CEACAM4: variants seen among roughly 807,000 people sequenced by gnomAD.
CEACAM4 encodes CEA cell adhesion molecule 4.
A neutral mutation model predicts 28.7 loss-of-function variants in CEACAM4; 30 were observed. The observed-to-expected ratio is 1.05, with a 90% confidence interval of 0.78 to 1.42. The LOEUF is 1.42. CEACAM4 is among the 40% of genes most tolerant of loss of function. CEACAM4 has a pLI of 0.00. For missense variants in CEACAM4, 330 were observed against 308.2 expected, an observed-to-expected ratio of 1.07 and a Z score of -0.53; for synonymous variants, 143 against 126.5, an observed-to-expected ratio of 1.13 and a Z score of -0.87.
At position 41,620,573 on chromosome 19, in the gene CEACAM4, A is replaced by G. The variant is rs1555800859; in HGVS notation, c.595+2T>C. 6.2e-7 allele frequency: 1 copy of G among 1,612,190 alleles called. No individual in the cohort carries two copies. The highest frequency in any genetic ancestry group is 8.5e-7 in the Non-Finnish European group (1 of 1,178,846). On this transcript the variant is annotated splice_donor_variant, in intron 4 of 6. Coordinates refer to ENST00000221954, the MANE Select transcript of CEACAM4 (RefSeq NM_001817.4). LOFTEE classifies it high-confidence loss of function. ...CCACACCTGGGCTGAAGGGACACTCACCAGGGGTGGAGGCTGGGGGCGGCT... is the reference window on the plus strand; with the variant it reads ...CCACACCTGGGCTGAAGGGACACTCGCCAGGGGTGGAGGCTGGGGGCGGCT...
chr19:41,624,887 G>A (rs1555803172), intron 2 of CEACAM4, among the ~76,000 whole-genome samples: 2 of 152,164 alleles, frequency 1.3e-5, no homozygotes, highest in Non-Finnish European at 2.9e-5. Flanking sequence ...GCCTCCATGG[G>A]AGAGCACCCC....
downstream of CEACAM4, among the ~76,000 whole-genome samples, chr19:41,617,602 G>A (rs1485908915): frequency 6.6e-6 from 1 of 152,198 alleles, no homozygotes; most frequent in African/African-American, 2.4e-5. Flanking sequence ...TTCCTTTTAA[G>A]TGAGAGAGGG....
intron 2 of CEACAM4, among the ~76,000 whole-genome samples, chr19:41,622,415 C>A (rs1180470637): frequency 6.6e-6 from 1 of 152,122 alleles, no homozygotes; most frequent in African/African-American, 2.4e-5. Flanking sequence ...ATGATTGTCA[C>A]AGAGAGCGAG....
intron 2 of CEACAM4, 156 bp downstream of exon 2, chr19:41,625,445 A>G (rs1387364183): frequency 2.3e-6 from 2 of 863,274 alleles, no homozygotes; most frequent in Non-Finnish European, 3.7e-6. Flanking sequence ...GATCTGTTGA[A>G]GTTTACCTAC....
chr19:41,615,254 TC>T (rs1191709327), downstream of CEACAM4, among the ~76,000 whole-genome samples: 7 of 151,914 alleles, frequency 4.6e-5, no homozygotes, highest in Non-Finnish European at 8.8e-5. Context: ...TACCTGCTGT[TC>T]ATCAGAGCCT....
intron 2 of CEACAM4, among the ~76,000 whole-genome samples, chr19:41,624,083 T>A (rs1364212444): frequency 6.6e-6 from 1 of 152,068 alleles, no homozygotes; most frequent in South Asian, 2.1e-4. Flanking sequence ...CCTCCTAGGA[T>A]CTTGTATCCA....
At chr19:41,616,079 G>A (rs1428984443), downstream of CEACAM4, among the ~76,000 whole-genome samples, 2 of 152,098 alleles carry the variant, frequency 1.3e-5, no homozygotes. Flanking sequence ...TCCCAGGCTG[G>A]AGTGCAGTGG....
At position 41,625,846 on chromosome 19, in the gene CEACAM4, T is replaced by A; in HGVS notation, c.179A>T (p.Glu60Val). The A allele has an allele frequency of 1.2e-6, 2 of 1,613,984 alleles. No individual in the cohort carries two copies. Among genetic ancestry groups the A allele is most frequent in the South Asian group, 2.2e-5 (2 of 91,084 alleles). ...GTGCCAATAATAGGCTTGAATAGTT[T>A]CTGAAATATTGCAGGCCAGTAGAAG... Reference protein sequence around the residue: ...DVLLLACNISETIQAYYWHKG... With the variant: ...DVLLLACNISVTIQAYYWHKG... The change falls in exon 2 of 7, where the codon GAA (glutamate) becomes GTA (valine). Residue 60 changes from glutamate to valine, a missense_variant. Coordinates refer to ENST00000221954, the MANE Select transcript of CEACAM4 (RefSeq NM_001817.4).
chr19:41,620,537 C>T (rs1320988536), intron 4 of CEACAM4, 38 bp downstream of exon 4: 1 of 1,589,020 alleles, frequency 6.3e-7, no homozygotes, highest in Non-Finnish European at 8.6e-7. Context: ...GTAGGGCAGG[C>T]CTAGGGGCTC....
At chr19:41,626,547 T>C (rs946455311) in intron 1 of CEACAM4, among the ~76,000 whole-genome samples, 6 of 152,160 alleles carry the variant, frequency 3.9e-5, no homozygotes, top group African/African-American at 1.4e-4. Context: ...GTGTCTGAGG[T>C]TGTTGGCTAA....
chr19:41,622,528 C>A (rs544974551), intron 2 of CEACAM4, among the ~76,000 whole-genome samples: 1 of 152,276 alleles, frequency 6.6e-6, no homozygotes, highest in Admixed American at 6.5e-5. Context: ...CTACCTACAG[C>A]TCATCTCATC....
intron 2 of CEACAM4, among the ~76,000 whole-genome samples, chr19:41,624,249 T>C (rs1568657047): frequency 6.6e-6 from 1 of 151,970 alleles, no homozygotes; most frequent in African/African-American, 2.4e-5. Flanking sequence ...GATCATTCCT[T>C]CATTCATTCC....
Position 41,627,052 on chromosome 19 carries a change from G to A in CEACAM4, c.-89C>T. On this transcript the variant is annotated 5_prime_UTR_variant, in exon 1 of 7. Coordinates refer to ENST00000221954, the MANE Select transcript of CEACAM4 (RefSeq NM_001817.4). ...GCTGCTGTGACTGTCGGCTGTCGGG[G>A]CTGCTGACCTTCCTCCTTCTGTGCT... 8.7e-7 allele frequency: 1 copy of A among 1,154,772 alleles called. No homozygotes were observed. The highest frequency in any genetic ancestry group is 1.2e-6 in the Non-Finnish European group (1 of 818,180). The allele number at this position is 1,154,772 out of a possible 1,614,324, so 71.5% of individuals were successfully genotyped here.
Position 41,620,922 on chromosome 19 carries a change from G to A in CEACAM4, c.543-295C>T, listed in dbSNP as rs1264363311. 6.6e-5 allele frequency among the ~76,000 whole-genome samples: 10 copies of A among 151,930 alleles called. 1 individual carries two copies. The South Asian group carries it at 1.0e-3, about 16-fold the overall frequency. On this transcript the variant is annotated intron_variant, in intron 3 of 6. Transcript: ENST00000221954. ...TCAGGGAGGGAATCAGACCACCTGC[G>A]TTTGCCTGAGAGGAAGGGTCAAGGC...
chr19:41,626,470 C>T (rs1555804248), intron 1 of CEACAM4, among the ~76,000 whole-genome samples: 1 of 152,186 alleles, frequency 6.6e-6, no homozygotes, highest in African/African-American at 2.4e-5. Context: ...CTGGCACAGG[C>T]TGCAGACTCC....
At chr19:41,624,587 G>A (rs545540343) in intron 2 of CEACAM4, among the ~76,000 whole-genome samples, 6 of 152,254 alleles carry the variant, frequency 3.9e-5, no homozygotes, top group East Asian at 1.9e-4. Context: ...GAAAACATCC[G>A]AACCAGTGGC....
rs781811384 is a variant in CEACAM4 at position 41,619,690 on chromosome 19, T to C, written c.649A>G (p.Thr217Ala). 1 of 1,591,536 alleles carries C rather than the reference T, an allele frequency of 6.3e-7. No homozygotes were observed. Among genetic ancestry groups the C allele is most frequent in the Non-Finnish European group, 8.6e-7 (1 of 1,168,030 alleles). Residue 217 changes from threonine to alanine, a missense_variant, in exon 6 of 7, where the codon ACA becomes GCA. Transcript: ENST00000221954. The part of the protein sequence containing the change: ...TFSAPLPSPR[T>A]ATPIYEELLY... Reference sequence around the variant, plus strand: ...CTCACCTCATAGATGGGAGTGGCTGTTCTGGGGCTGGGTAGAGGGGCCTGG... The same window carrying C: ...CTCACCTCATAGATGGGAGTGGCTGCTCTGGGGCTGGGTAGAGGGGCCTGG...
At chr19:41,623,863 A>G (rs781974511) in intron 2 of CEACAM4, among the ~76,000 whole-genome samples, 13 of 152,154 alleles carry the variant, frequency 8.5e-5, no homozygotes, top group Non-Finnish European at 1.3e-4. Context: ...TGGGATATTC[A>G]TAGTGAGAAC....
In CEACAM4 at chr19:41,621,656, A is replaced by G; in HGVS notation, c.537T>C (p.Thr179=). The change falls in exon 3 of 7, where the codon ACT becomes ACC. Residue 179 remains threonine (T), a synonymous_variant. Coordinates refer to ENST00000221954, the MANE Select transcript of CEACAM4 (RefSeq NM_001817.4). ...CTGGGGAAAAGCTGCGGTACCTTCCAGTCCTGGAGAGAAGCAGAAAACACA... is the reference window on the plus strand; with the variant it reads ...CTGGGGAAAAGCTGCGGTACCTTCCGGTCCTGGAGAGAAGCAGAAAACACA... ...ALVCFLLLSR[T]GRASIQRDLR... 6.3e-7 allele frequency: 1 copy of G among 1,582,650 alleles called. No individual in the cohort carries two copies. Among genetic ancestry groups the G allele is most frequent in the Non-Finnish European group, 8.7e-7 (1 of 1,151,954 alleles).
Sources: allele counts gnomAD v4.1 joint callset (sites outside exome capture counted in the v4.1 genomes callset), GRCh38; gene constraint gnomAD v4.1.1; transcripts MANE v1.5; gene names NCBI Gene and HGNC (gene_info 2026-07-23, HGNC 2026-07-21).